Variants in TBX21 observed in about 807,000 individuals in gnomAD.
TBX21 encodes the protein T-box transcription factor 21.
TBX21 carries 11 observed loss-of-function variants against 52.2 expected under a neutral mutation model. The observed-to-expected ratio is 0.21, with a 90% CI of 0.13 to 0.35. The LOEUF (loss-of-function observed/expected upper bound fraction) is 0.35. TBX21 is among the 10% of genes least tolerant of loss of function. The probability of loss-of-function intolerance (pLI) is 1.00; values close to 1 mark genes in which losing one functional copy is unlikely to be tolerated. For synonymous variants in TBX21, 300 were observed against 316.1 expected (o/e 0.95, Z 0.54); for missense variants, 625 against 755.1 (o/e 0.83, Z 2.02).
chr17:47,738,070 C>T (rs2032226464), intron 1 of TBX21, among the ~76,000 whole-genome samples: 1 of 152,098 alleles, frequency 6.6e-6, no homozygotes. Context: ...AGGCATGAGC[C>T]ATTGTGCCCA....
At chr17:47,734,873 C>T (rs1419480195) in intron 1 of TBX21, among the ~76,000 whole-genome samples, 1 of 151,874 alleles carries the variant, frequency 6.6e-6, no homozygotes, top group Non-Finnish European at 1.5e-5. Flanking sequence ...TCCTGAGCCC[C>T]GTGCGTGATG....
In TBX21 at chr17:47,743,115, C is replaced by T. The variant is rs2032285389; in HGVS notation, c.691C>T (p.His231Tyr). The T allele has an allele frequency of 6.2e-7, 1 of 1,614,102 alleles. No individual in the cohort carries two copies. Among genetic ancestry groups the T allele is most frequent in the Non-Finnish European group, 8.5e-7 (1 of 1,180,056 alleles). Reference sequence around the variant, plus strand: ...CCCGGACTCCCCCAACACAGGAGCGCACTGGATGCGCCAGGAAGTTTCATT... The same window carrying T: ...CCCGGACTCCCCCAACACAGGAGCGTACTGGATGCGCCAGGAAGTTTCATT... Reference protein sequence around the residue: ...VHPDSPNTGAHWMRQEVSFGK... With the variant: ...VHPDSPNTGAYWMRQEVSFGK... The change falls in exon 3 of 6, where the codon CAC (histidine) becomes TAC (tyrosine). Residue 231 changes from histidine (H) to tyrosine (Y), a missense_variant. His to Tyr is a moderately conservative substitution (Grantham distance 83, BLOSUM62 2). Coordinates refer to ENST00000177694, the MANE Select transcript of TBX21 (RefSeq NM_013351.2).
In TBX21 at chr17:47,744,962, G is replaced by A. The variant is rs770481098; in HGVS notation, c.1204G>A (p.Val402Ile). The A allele has an allele frequency of 8.1e-6, 13 of 1,614,040 alleles. No individual in the cohort carries two copies. Among genetic ancestry groups the A allele is most frequent in the Non-Finnish European group, 1.1e-5 (13 of 1,180,036 alleles). ...DHSYEAEFRA[V>I]SMKPAFLPSA... The stretch of plus-strand genomic sequence containing the variant: ...CAGCTATGAGGCTGAGTTTCGAGCA[G>A]TCAGCATGAAGCCTGCATTCTTGCC... Residue 402 changes from valine (V) to isoleucine (I), a missense_variant, in exon 6 of 6, where the codon GTC (valine) becomes ATC (isoleucine). Physicochemically the swap from Val to Ile is conservative, Grantham distance 29. Coordinates refer to ENST00000177694, the MANE Select transcript of TBX21 (RefSeq NM_013351.2).
At chr17:47,739,353 G>A (rs1323254675) in intron 1 of TBX21, among the ~76,000 whole-genome samples, 1 of 151,928 alleles carries the variant, frequency 6.6e-6, no homozygotes, top group African/African-American at 2.4e-5. Flanking sequence ...GGGCATGGTG[G>A]TGAGCACCTA....
chr17:47,738,604 A>ATTTT (rs201288149), intron 1 of TBX21, among the ~76,000 whole-genome samples: 8 of 141,634 alleles, frequency 5.6e-5, no homozygotes, highest in South Asian at 2.3e-4. Context: ...ATATTATCAC[A>ATTTT]TTTTTTTTTT....
chr17:47,743,677 C>G (rs1427192043), intron 3 of TBX21, among the ~76,000 whole-genome samples: 3 of 151,906 alleles, frequency 2.0e-5, no homozygotes, highest in Admixed American at 2.0e-4. Flanking sequence ...GTCAGGAGTT[C>G]AAGACCAGCC....
In TBX21 at chr17:47,745,301, G is replaced by C; in HGVS notation, c.1543G>C (p.Ala515Pro). The C allele has an allele frequency of 6.2e-7, 1 of 1,613,386 alleles. No homozygotes were observed. Among genetic ancestry groups the C allele is most frequent in the Non-Finnish European group, 8.5e-7 (1 of 1,179,778 alleles). Reference sequence around the variant, plus strand: ...TTCCAGTGGTGACAGCTCCTCCCCTGCTGGGGCCCCTTCTCCTTTTGATAA... The same window carrying C: ...TTCCAGTGGTGACAGCTCCTCCCCTCCTGGGGCCCCTTCTCCTTTTGATAA... ...YPSSGDSSSP[A>P]GAPSPFDKEA... The change falls in exon 6 of 6, where the codon GCT (alanine) becomes CCT (proline). Residue 515 changes from alanine to proline, a missense_variant. By Grantham distance (27) the Ala-to-Pro change is conservative. Transcript: ENST00000177694.
chr17:47,733,703 G>A lies in TBX21; in HGVS notation c.249G>A (p.Ala83=), dbSNP rs1435175372. 5 of 1,419,400 alleles carry A rather than the reference G, an allele frequency of 3.5e-6. No individual in the cohort carries two copies. Among genetic ancestry groups the A allele is most frequent in the Admixed American group, 3.1e-5 (1 of 32,106 alleles). 87.9% of individuals were successfully genotyped at this position (1,419,400 alleles called of 1,614,324 possible). Residue 83 remains alanine (A), a synonymous_variant, in exon 1 of 6, where the codon GCG becomes GCA. Transcript: ENST00000177694. This position sits in a 1 kb window ranked among gnomAD's most constrained non-coding sequence, Gnocchi z 6.6. The stretch of plus-strand genomic sequence containing the variant: ...ACGCCTACCCGCCGCGACCCCAGGC[G>A]GCCGGCTTCCCCGGCGCGGGCGAGT... The part of the protein sequence containing the change: ...GAYAYPPRPQ[A]AGFPGAGESF...
chr17:47,743,424 C>G (rs1306450187), intron 3 of TBX21, among the ~76,000 whole-genome samples: 2 of 152,176 alleles, frequency 1.3e-5, no homozygotes, highest in African/African-American at 4.8e-5. Flanking sequence ...GAAGCTGAAT[C>G]TTGGACGGGG....
In TBX21 at chr17:47,744,968, A is replaced by G. The variant is rs1325201794; in HGVS notation, c.1210A>G (p.Met404Val). Residue 404 changes from methionine to valine, a missense_variant, in exon 6 of 6, where the codon ATG (methionine) becomes GTG (valine). Met to Val is a conservative substitution (Grantham distance 21). Transcript: ENST00000177694. Reference sequence around the variant, plus strand: ...TGAGGCTGAGTTTCGAGCAGTCAGCATGAAGCCTGCATTCTTGCCCTCTGC... The same window carrying G: ...TGAGGCTGAGTTTCGAGCAGTCAGCGTGAAGCCTGCATTCTTGCCCTCTGC... ...SYEAEFRAVSMKPAFLPSAPG... is the reference protein window; with the variant it reads ...SYEAEFRAVSVKPAFLPSAPG... 2 of 1,613,796 alleles carry G rather than the reference A, an allele frequency of 1.2e-6. No individual in the cohort carries two copies. The highest frequency in any genetic ancestry group is 2.2e-5 in the East Asian group (1 of 44,886).
intron 3 of TBX21, 143 bp downstream of exon 3, chr17:47,743,335 C>A: frequency 8.5e-7 from 1 of 1,179,932 alleles, no homozygotes; most frequent in Non-Finnish European, 1.2e-6. Context: ...TTTCTTCTGT[C>A]CTAAACGAAG....
chr17:47,744,982 C>A lies in TBX21; in HGVS notation c.1224C>A (p.Phe408Leu). The A allele has an allele frequency of 1.9e-6, 3 of 1,613,592 alleles. No homozygotes were observed. The highest frequency in any genetic ancestry group is 2.5e-6 in the Non-Finnish European group (3 of 1,180,028). ...EFRAVSMKPA[F>L]LPSAPGPTMS... ...GAGCAGTCAGCATGAAGCCTGCATT[C>A]TTGCCCTCTGCCCCTGGGCCCACCA... is the stretch of plus-strand genomic sequence containing the variant. The change falls in exon 6 of 6, where the codon TTC (phenylalanine) becomes TTA (leucine). Residue 408 changes from phenylalanine (F) to leucine (L), a missense_variant. Phe to Leu is a conservative substitution (Grantham distance 22). Coordinates refer to ENST00000177694, the MANE Select transcript of TBX21 (RefSeq NM_013351.2).
At chr17:47,737,305 T>C (rs2143425163) in intron 1 of TBX21, among the ~76,000 whole-genome samples, 1 of 152,152 alleles carries the variant, frequency 6.6e-6, no homozygotes, top group East Asian at 1.9e-4. Flanking sequence ...TGTGTCTCTG[T>C]GGGTGTGTGG....
At chr17:47,741,599 C>T (rs748676980) in intron 1 of TBX21, among the ~76,000 whole-genome samples, 2 of 152,046 alleles carry the variant, frequency 1.3e-5, no homozygotes, top group African/African-American at 4.8e-5. Context: ...CAGACTATAC[C>T]GCAGGTGGCA....
chr17:47,734,599 G>GTA (rs2032185062), intron 1 of TBX21, among the ~76,000 whole-genome samples: 1 of 128,186 alleles, frequency 7.8e-6, no homozygotes, highest in Non-Finnish European at 1.7e-5. Context: ...GTGTGTGTGT[G>GTA]TGTGTGTGTG....
At chr17:47,737,504 A>AT (rs375277846) in intron 1 of TBX21, among the ~76,000 whole-genome samples, 3 of 151,132 alleles carry the variant, frequency 2.0e-5, no homozygotes, top group East Asian at 1.9e-4. Flanking sequence ...AGTCATTACA[A>AT]TTTTTTTTTG....
chr17:47,743,320 T>C (rs920875812), intron 3 of TBX21, 128 bp downstream of exon 3: 6 of 1,292,092 alleles, frequency 4.6e-6, no homozygotes, highest in Admixed American at 5.2e-5. Flanking sequence ...GAAGGAAGGT[T>C]CGTTTTTCTT....
At position 47,733,840 on chromosome 17, in the gene TBX21, C is replaced by A; in HGVS notation, c.386C>A (p.Ala129Glu). The A allele has an allele frequency of 6.2e-7, 1 of 1,610,096 alleles. No homozygotes were observed. The highest frequency in any genetic ancestry group is 8.5e-7 in the Non-Finnish European group (1 of 1,178,706). ...PGPREDYALP[A>E]GLEVSGKLRV... ...CCGCGTGAGGACTACGCGCTACCCG[C>A]GGGACTGGAGGTGTCGGGGAAACTG... Residue 129 changes from alanine to glutamate, a missense_variant, in exon 1 of 6, where the codon GCG (alanine) becomes GAG (glutamate). Around this residue, in one of 4 missense-constraint regions of TBX21, gnomAD observed 142 missense variants for 258.5 expected, o/e 0.55. Coordinates refer to ENST00000177694, the MANE Select transcript of TBX21 (RefSeq NM_013351.2). The surrounding 1 kb of genome is among the most constrained non-coding windows in gnomAD (Gnocchi z 6.6).
chr17:47,744,396 G>A (rs759378124), intron 4 of TBX21, 43 bp downstream of exon 4: 4 of 1,613,990 alleles, frequency 2.5e-6, no homozygotes, highest in Non-Finnish European at 3.4e-6. Flanking sequence ...GGCAGAGTGG[G>A]GCCCACTGTC....
Sources: gnomAD v4.1 joint callset for allele counts (sites outside exome capture counted in the v4.1 genomes callset) on GRCh38, gnomAD v4.1.1 for gene constraint, gnomAD v4.1.1 regional missense constraint, Gnocchi (gnomAD v3.1) non-coding constraint, MANE v1.5 for transcripts, NCBI Gene and HGNC (gene_info 2026-07-23, HGNC 2026-07-21) for gene names.